The following CREB5 variants were observed in gnomAD, a reference collection of about 807,000 sequenced individuals.
CREB5 encodes cAMP responsive element binding protein 5.
In CREB5, 19 loss-of-function variants were observed where a neutral mutation model predicts 57.1. That is an observed-to-expected ratio of 0.33 (90% CI 0.23 to 0.49). The LOEUF is 0.49. Among genes scored for constraint, CREB5 ranks in the 20% least tolerant of loss-of-function variants. The probability of loss-of-function intolerance (pLI) is 0.99; values close to 1 mark genes in which losing one functional copy is unlikely to be tolerated. For missense variants in CREB5, 579 were observed against 671.6 expected, an observed-to-expected ratio of 0.86 and a Z score of 1.52; for synonymous variants, 238 against 238.3, an observed-to-expected ratio of 1.00 and a Z score of 0.01.
At chr7:28,400,632 A>G (rs1360291422) in intron 1 of CREB5, among the ~76,000 whole-genome samples, 1 of 152,204 alleles carries the variant, frequency 6.6e-6, no homozygotes, top group Non-Finnish European at 1.5e-5. Context: ...CACAGTGGGT[A>G]ATATTCAAGA....
intron 1 of CREB5, among the ~76,000 whole-genome samples, chr7:28,300,442 T>C (rs1785080977): frequency 1.3e-5 from 2 of 152,214 alleles, no homozygotes; most frequent in Non-Finnish European, 2.9e-5. Context: ...TGGTGTTGGG[T>C]GGACAATAAA....
At chr7:28,514,922 A>G (rs948843120) in intron 4 of CREB5, among the ~76,000 whole-genome samples, 2 of 151,936 alleles carry the variant, frequency 1.3e-5, no homozygotes, top group Non-Finnish European at 2.9e-5. Context: ...ACCCTATTTT[A>G]TTTCCATCAT....
intron 3 of CREB5, among the ~76,000 whole-genome samples, chr7:28,506,742 CAAT>C: frequency 6.6e-6 from 1 of 152,322 alleles, no homozygotes; most frequent in South Asian, 2.1e-4. Context: ...TGATTGCACT[CAAT>C]GACGATGGAA....
At chr7:28,408,399 G>A (rs889165099), upstream of CREB5, among the ~76,000 whole-genome samples, 5 of 152,220 alleles carry the variant, frequency 3.3e-5, no homozygotes, top group African/African-American at 4.8e-5. Flanking sequence ...ACTTCTGAAA[G>A]GAAATTCAGC....
intron 5 of CREB5, among the ~76,000 whole-genome samples, chr7:28,571,886 C>G (rs1795718216): frequency 1.3e-5 from 2 of 152,182 alleles, no homozygotes; most frequent in South Asian, 4.1e-4. Context: ...CTGCTCTATG[C>G]TTCCAGAATT....
At position 28,310,487 on chromosome 7, in the gene CREB5, A is replaced by T. The variant is rs374586355; in HGVS notation, c.-25+11046A>T. On this transcript the variant is annotated intron_variant, in intron 1 of 9. Coordinates refer to the CREB5 transcript ENST00000396299. ...TGGGGGTCTGAAATCCCTCATCTGG[A>T]AGACAGAGATGGGTGGAGTGGACTG... Among the ~76,000 whole-genome samples the T allele has an allele frequency of 2.6e-5, 4 of 152,328 alleles. No individual in the cohort carries two copies. The East Asian group carries it at 5.8e-4, about 22-fold the overall frequency.
At chr7:28,500,434 A>T (rs887900953) in intron 3 of CREB5, among the ~76,000 whole-genome samples, 1 of 152,320 alleles carries the variant, frequency 6.6e-6, no homozygotes, top group South Asian at 2.1e-4. Context: ...TGGCTTCTTT[A>T]TCCCGTCTTC....
intron 1 of CREB5, among the ~76,000 whole-genome samples, chr7:28,326,928 T>C (rs1785618460): frequency 1.3e-5 from 2 of 152,008 alleles, no homozygotes; most frequent in Non-Finnish European, 2.9e-5. Flanking sequence ...GTCAGGCAGA[T>C]CACGAGGTCA....
At chr7:28,514,718 C>T (rs144503796) in intron 4 of CREB5, among the ~76,000 whole-genome samples, 12 of 152,304 alleles carry the variant, frequency 7.9e-5, no homozygotes, top group African/African-American at 2.9e-4. Context: ...TTTATATTTG[C>T]TATGACAGGA....
intron 1 of CREB5, among the ~76,000 whole-genome samples, chr7:28,450,269 T>A (rs1366556419): frequency 6.6e-6 from 1 of 152,216 alleles, no homozygotes; most frequent in Non-Finnish European, 1.5e-5. Flanking sequence ...CGAGGGTACT[T>A]ATAATATGCC....
At chr7:28,392,946 CAG>C (rs1787251910) in intron 1 of CREB5, among the ~76,000 whole-genome samples, 1 of 150,066 alleles carries the variant, frequency 6.7e-6, no homozygotes, top group Admixed American at 6.6e-5. Context: ...TTTTTTGAGA[CAG>C]AGTTTCGCTC....
intron 1 of CREB5, among the ~76,000 whole-genome samples, chr7:28,366,485 A>G (rs375971293): frequency 6.6e-6 from 1 of 152,136 alleles, no homozygotes; most frequent in Non-Finnish European, 1.5e-5. Context: ...AATCCTCTCC[A>G]TATTTTGTCT....
At position 28,322,229 on chromosome 7, in the gene CREB5, C is replaced by T. The variant is rs970577277; in HGVS notation, c.-25+22788C>T. On this transcript the variant is annotated intron_variant, in intron 1 of 9. Transcript: ENST00000396299. ...GGCTCCTTGGGTAAAACAGAATTAA[C>T]GGATTTTTGAAATTCAGGACTACCC... is the stretch of plus-strand genomic sequence containing the variant. Among the ~76,000 whole-genome samples the T allele has an allele frequency of 2.6e-5, 4 of 151,956 alleles. No homozygotes were observed. In the South Asian group the frequency reaches 6.2e-4, roughly 24 times the overall value.
chr7:28,384,199 C>A (rs1037089749), intron 1 of CREB5, among the ~76,000 whole-genome samples: 8 of 152,104 alleles, frequency 5.3e-5, no homozygotes, highest in Non-Finnish European at 8.8e-5. Context: ...AAAGGACGAG[C>A]GTCTGTAGTT....
intron 4 of CREB5, among the ~76,000 whole-genome samples, chr7:28,560,881 T>TGCCTGCGC (rs1795135898): frequency 2.2e-5 from 1 of 46,242 alleles, no homozygotes; most frequent in East Asian, 5.3e-4. Context: ...TGCGCGTGCG[T>TGCCTGCGC]GCGTGCGTGT....
intron 1 of CREB5, among the ~76,000 whole-genome samples, chr7:28,456,961 GA>G (rs576844493): frequency 1.4e-3 from 211 of 152,272 alleles, no homozygotes; most frequent in Non-Finnish European, 6.5e-4. Flanking sequence ...CATGGTTCTG[GA>G]GGCCAAGGAA....
chr7:28,491,178 G>C, intron 2 of CREB5: 5 of 984,502 alleles, frequency 5.1e-6, no homozygotes, highest in Non-Finnish European at 6.0e-6. Context: ...TATAACGGTA[G>C]CCTGAGAAGG....
intron 5 of CREB5, among the ~76,000 whole-genome samples, chr7:28,602,182 A>G (rs1796943102): frequency 6.6e-6 from 1 of 152,120 alleles, no homozygotes; most frequent in Non-Finnish European, 1.5e-5. Context: ...GCTGGAGTGC[A>G]CTGGTGCGAT....
At chr7:28,498,069 C>CT (rs1219033975) in intron 3 of CREB5, among the ~76,000 whole-genome samples, 11 of 151,936 alleles carry the variant, frequency 7.2e-5, no homozygotes, top group Non-Finnish European at 1.5e-4. Flanking sequence ...TATTATAATA[C>CT]TTTTTTTTCT....
Sources: allele counts gnomAD v4.1 joint callset (sites outside exome capture counted in the v4.1 genomes callset), GRCh38; gene constraint gnomAD v4.1.1; transcripts MANE v1.5; gene names NCBI Gene and HGNC (gene_info 2026-07-23, HGNC 2026-07-21).